Variants in BMP6 observed in about 807,000 individuals in gnomAD.
BMP6 encodes VG-1-R.
A neutral mutation model predicts 54.1 loss-of-function variants in BMP6; 17 were observed. The observed-to-expected ratio is 0.31, with a 90% CI of 0.22 to 0.47. The LOEUF is 0.47. Among genes scored for constraint, BMP6 ranks in the 20% least tolerant of loss-of-function variants. The pLI, the probability that BMP6 is intolerant of heterozygous loss-of-function variation, is 1.00. For synonymous variants in BMP6, 328 were observed against 291.2 expected (o/e 1.13, Z -1.28); for missense variants, 720 against 690.4 (o/e 1.04, Z -0.48).
chr6:7,767,210 G>A (rs270394), intron 1 of BMP6, among the ~76,000 whole-genome samples: 108,182 of 151,908 alleles, frequency 0.71, 39,627 homozygotes, highest in Non-Finnish European at 0.81. Flanking sequence ...TCCTGACCTC[G>A]TGATCCACCC....
chr6:7,735,859 G>C (rs1380958410), intron 1 of BMP6, among the ~76,000 whole-genome samples: 1 of 152,086 alleles, frequency 6.6e-6, no homozygotes, highest in East Asian at 1.9e-4. Flanking sequence ...ATCATGCCGA[G>C]GAGTTGTGAA....
At chr6:7,745,153 C>G (rs1042207942) in intron 1 of BMP6, among the ~76,000 whole-genome samples, 1 of 152,184 alleles carries the variant, frequency 6.6e-6, no homozygotes, top group African/African-American at 2.4e-5. Context: ...CCCAAAAGAT[C>G]TATTTATAAA....
chr6:7,774,381 C>A (rs1443460491), intron 1 of BMP6, among the ~76,000 whole-genome samples: 1 of 152,210 alleles, frequency 6.6e-6, no homozygotes, highest in Admixed American at 6.5e-5. Flanking sequence ...GAAGCCCCGT[C>A]TCTACTAAAA....
Position 7,862,356 on chromosome 6 carries a change from C to T in BMP6, c.1062C>T (p.Asp354=), listed in dbSNP as rs17558. The change falls in exon 4 of 7, where the codon GAC becomes GAT. Residue 354 remains aspartate, a synonymous_variant. Transcript: ENST00000283147. ...TGGTGGGCAGAGACGGCCCTTACGA[C>T]AAGCAGCCCTTCATGGTGGCTTTCT... ...AGLVGRDGPY[D]KQPFMVAFFK... The T allele has an allele frequency of 0.048, 78,140 of 1,614,194 alleles. 2,052 individuals carry two copies. Among genetic ancestry groups the T allele is most frequent in the Middle Eastern group, 0.07 (425 of 6,058 alleles).
intron 1 of BMP6, 131 bp downstream of exon 1, chr6:7,727,750 G>A: frequency 2.6e-6 from 3 of 1,160,002 alleles, no homozygotes; most frequent in Non-Finnish European, 3.4e-6. Flanking sequence ...AGAACGCGGG[G>A]ACAGGCAGGC....
chr6:7,879,582 C>T (rs1759677257), intron 5 of BMP6, among the ~76,000 whole-genome samples: 1 of 152,182 alleles, frequency 6.6e-6, no homozygotes, highest in Non-Finnish European at 1.5e-5. Flanking sequence ...TGCCTCGTAC[C>T]TGAGAACCAT....
chr6:7,881,124 A>G lies in BMP6; in HGVS notation c.*781A>G, dbSNP rs543618213. ...GAACGGTTCTTTGACCAGCACATTA[A>G]CTTCTGGACTGCCGGCTCTAGTACC... On this transcript the variant is annotated 3_prime_UTR_variant, in exon 7 of 7. Transcript: ENST00000283147. The G allele has an allele frequency of 1.3e-5, 2 of 152,270 alleles. No individual in the cohort carries two copies. The highest frequency in any genetic ancestry group is 4.1e-4 in the South Asian group (2 of 4,820). 9.4% of individuals were successfully genotyped at this position (152,270 alleles called of 1,614,324 possible). A position where few individuals can be genotyped will look rare whatever the true frequency, so the allele number is the denominator to read the frequency against.
chr6:7,772,125 A>C (rs183761037), intron 1 of BMP6, among the ~76,000 whole-genome samples: 4 of 152,004 alleles, frequency 2.6e-5, no homozygotes, highest in Admixed American at 2.6e-4. Context: ...TCAACCTCTT[A>C]GGGTCATCCT....
intron 1 of BMP6, among the ~76,000 whole-genome samples, chr6:7,769,182 G>A (rs186427508): frequency 6.6e-6 from 1 of 152,340 alleles, no homozygotes; most frequent in East Asian, 1.9e-4. Flanking sequence ...CTGGCTAAAG[G>A]TAGGGGAATT....
intron 1 of BMP6, among the ~76,000 whole-genome samples, chr6:7,817,598 T>A (rs1363343653): frequency 1.4e-5 from 2 of 141,294 alleles, no homozygotes; most frequent in Non-Finnish European, 3.1e-5. Context: ...GGGGGAGGGA[T>A]AGCATTAGGA....
chr6:7,785,820 AC>A (rs1448441421), intron 1 of BMP6, among the ~76,000 whole-genome samples: 1 of 151,944 alleles, frequency 6.6e-6, no homozygotes, highest in African/African-American at 2.4e-5. Context: ...CCTTCCAAGG[AC>A]CCTTTTGCCA....
intron 1 of BMP6, among the ~76,000 whole-genome samples, chr6:7,733,365 T>G (rs896056891): frequency 1.8e-4 from 27 of 152,230 alleles, no homozygotes; most frequent in African/African-American, 6.5e-4. Flanking sequence ...ATATTTTAAT[T>G]AGACAATTTT....
chr6:7,768,151 G>C (rs1757720643), intron 1 of BMP6, among the ~76,000 whole-genome samples: 1 of 152,140 alleles, frequency 6.6e-6, no homozygotes, highest in African/African-American at 2.4e-5. Context: ...CCTGAGGGCA[G>C]GCCTTGTTAA....
At chr6:7,776,849 C>T (rs1360071798) in intron 1 of BMP6, among the ~76,000 whole-genome samples, 2 of 152,146 alleles carry the variant, frequency 1.3e-5, no homozygotes, top group Admixed American at 6.5e-5. Flanking sequence ...CTCTGTACCC[C>T]AGTTTACCTT....
chr6:7,828,818 G>T (rs1442363853), intron 1 of BMP6, among the ~76,000 whole-genome samples: 1 of 152,174 alleles, frequency 6.6e-6, no homozygotes, highest in Non-Finnish European at 1.5e-5. Flanking sequence ...GGTGAAGAGG[G>T]ACAGCCATGT....
chr6:7,849,516 A>G (rs915442911), intron 2 of BMP6, among the ~76,000 whole-genome samples: 1 of 152,232 alleles, frequency 6.6e-6, no homozygotes, highest in African/African-American at 2.4e-5. Context: ...CACCTATGGT[A>G]GCATCATGAG....
rs1372448218 is a variant in BMP6, at chr6:7,813,109, ATATATATATATATAT to A, written c.665-32030_665-32016del. Among the ~76,000 whole-genome samples, 64 of 15,750 alleles carry A rather than the reference ATATATATATATATAT, an allele frequency of 4.1e-3. 4 individuals are homozygous for A. Among genetic ancestry groups the A allele is most frequent in the African/African-American group, 0.01 (44 of 4,372 alleles). The allele number at this position is 15,750 out of a possible 152,430, so 10.3% of individuals were successfully genotyped here. ...TACAAAAAAAAAAAAAAAAAAAAAAATATATATATATATATATATATATATATATATATATATATA... is the reference window on the plus strand; with the variant it reads ...TACAAAAAAAAAAAAAAAAAAAAAAAATATATATATATATATATATATATA... On this transcript the variant is annotated intron_variant, in intron 1 of 6. Transcript: ENST00000283147.
chr6:7,807,723 T>C (rs1033734118), intron 1 of BMP6, among the ~76,000 whole-genome samples: 9 of 152,058 alleles, frequency 5.9e-5, no homozygotes, highest in African/African-American at 2.2e-4. Context: ...CCTTGTTATG[T>C]TGGAGGTTAG....
intron 1 of BMP6, among the ~76,000 whole-genome samples, chr6:7,770,716 T>C (rs1330404577): frequency 2.0e-5 from 3 of 152,262 alleles, no homozygotes; most frequent in African/African-American, 7.2e-5. Flanking sequence ...TTTCCAGATT[T>C]ACTAACTCAG....
Sources: gnomAD v4.1 joint callset for allele counts (sites outside exome capture counted in the v4.1 genomes callset) on GRCh38, gnomAD v4.1.1 for gene constraint, MANE v1.5 for transcripts, NCBI Gene and HGNC (gene_info 2026-07-23, HGNC 2026-07-21) for gene names.